The following GLRA2 variants were observed in gnomAD, a reference collection of about 807,000 sequenced individuals.
GLRA2 encodes glycine receptor subunit alpha-2.
A neutral mutation model predicts 31.6 loss-of-function variants in GLRA2; 11 were observed. That is an observed-to-expected ratio of 0.35 (90% CI 0.22 to 0.58). The LOEUF (loss-of-function observed/expected upper bound fraction) is 0.58. Ranked by LOEUF, GLRA2 falls within the 20% of genes least tolerant of loss-of-function variation. The pLI is 0.84. For synonymous variants in GLRA2, 132 were observed against 134.0 expected (o/e 0.99, Z 0.10); for missense variants, 212 against 351.8 (o/e 0.60, Z 3.18).
chrX:14,585,556 G>A (rs1024121495), intron 4 of GLRA2, among the ~76,000 whole-genome samples: 3 of 111,218 alleles, frequency 2.7e-5, no homozygotes, highest in Non-Finnish European at 5.7e-5. Context: ...AGGCCAAGGG[G>A]GGTACAGTTG....
At chrX:14,688,752 G>A (rs1291467967) in intron 7 of GLRA2, among the ~76,000 whole-genome samples, 4 of 110,086 alleles carry the variant, frequency 3.6e-5, no homozygotes, top group African/African-American at 1.3e-4. Flanking sequence ...CGCTTCCCGG[G>A]TGAGGCAATG....
At chrX:14,538,547 A>G (rs1022053008) in intron 2 of GLRA2, among the ~76,000 whole-genome samples, 1 of 111,173 alleles carries the variant, frequency 9.0e-6, no homozygotes, top group Non-Finnish European at 1.9e-5. Context: ...ATATTAGTTC[A>G]GTGGGGAAAT....
chrX:14,572,397 C>T (rs2089896336), intron 2 of GLRA2, among the ~76,000 whole-genome samples: 2 of 111,896 alleles, frequency 1.8e-5, no homozygotes, highest in Non-Finnish European at 3.8e-5. Flanking sequence ...ACTGGATGAT[C>T]TCGAAGGAAA....
intron 6 of GLRA2, among the ~76,000 whole-genome samples, chrX:14,608,486 T>A (rs1040833763): frequency 9.0e-6 from 1 of 111,492 alleles, no homozygotes; most frequent in Non-Finnish European, 1.9e-5. Context: ...TACTTTGTAG[T>A]TTTATGTAAA....
At chrX:14,614,814 C>A (rs1229158979) in intron 7 of GLRA2, among the ~76,000 whole-genome samples, 2 of 112,117 alleles carry the variant, frequency 1.8e-5, no homozygotes, top group African/African-American at 3.2e-5. Context: ...AGATACCAGT[C>A]TCTTTTCTTA....
Position 14,681,095 on chromosome X carries a change from T to C in GLRA2, c.931-9615T>C, listed in dbSNP as rs142023488. 3.4e-3 allele frequency among the ~76,000 whole-genome samples: 378 copies of C among 112,544 alleles called. 1 individual carries two copies. Among genetic ancestry groups the C allele is most frequent in the Non-Finnish European group, 5.6e-3 (301 of 53,307 alleles). On this transcript the variant is annotated intron_variant, in intron 7 of 8. Transcript: ENST00000218075. ...TATACTTTAAGTTCTAGGTTAAAGG[T>C]GCACAACGTGCGGGTTTGTTACATA...
intron 8 of GLRA2, among the ~76,000 whole-genome samples, chrX:14,691,557 G>T (rs898671791): frequency 2.7e-5 from 3 of 111,146 alleles, no homozygotes; most frequent in African/African-American, 9.8e-5. Context: ...TCCCAAACTT[G>T]CCTGCACATT....
chrX:14,512,044 T>G, the GLRA2 span, among the ~76,000 whole-genome samples: 1 of 111,779 alleles, frequency 8.9e-6, no homozygotes, highest in Non-Finnish European at 1.9e-5. Context: ...GATATACATG[T>G]TTTTTGAAAA....
At chrX:14,675,555 A>C (rs1439633762) in intron 7 of GLRA2, among the ~76,000 whole-genome samples, 1 of 111,568 alleles carries the variant, frequency 9.0e-6, no homozygotes, top group Non-Finnish European at 1.9e-5. Flanking sequence ...TTTAATAAGT[A>C]ACTCTTTACT....
chrX:14,708,648 G>C (rs1231705808), intron 8 of GLRA2, among the ~76,000 whole-genome samples: 4 of 111,754 alleles, frequency 3.6e-5, no homozygotes, highest in Non-Finnish European at 1.9e-5. Context: ...AGAAAAGAGA[G>C]ACATCAGGCC....
chrX:14,612,334 G>C (rs1319898183), intron 7 of GLRA2, among the ~76,000 whole-genome samples: 1 of 111,855 alleles, frequency 8.9e-6, no homozygotes, highest in Non-Finnish European at 1.9e-5. Context: ...ACAGATGCTA[G>C]AGAGGTTGTG....
the GLRA2 span, among the ~76,000 whole-genome samples, chrX:14,489,053 A>G: frequency 8.9e-6 from 1 of 112,229 alleles, no homozygotes; most frequent in African/African-American, 3.2e-5. Context: ...TTGGCTGCAT[A>G]CTGAATAAAA....
chrX:14,617,301 G>GT (rs1472466611), intron 7 of GLRA2, among the ~76,000 whole-genome samples: 1 of 111,756 alleles, frequency 8.9e-6, no homozygotes, highest in Non-Finnish European at 1.9e-5. Context: ...ACAGTGTCAG[G>GT]CACTATGTTA....
At chrX:14,495,688 A>G in the GLRA2 span, among the ~76,000 whole-genome samples, 2 of 109,450 alleles carry the variant, frequency 1.8e-5, no homozygotes, top group South Asian at 7.8e-4. Flanking sequence ...ATATATGAAA[A>G]TATTACATAT....
chrX:14,685,008 G>A (rs1279722241), intron 7 of GLRA2, among the ~76,000 whole-genome samples: 13 of 111,431 alleles, frequency 1.2e-4, no homozygotes, highest in Non-Finnish European at 1.9e-4. Context: ...CTAATTTATT[G>A]AGAGTTTTTA....
At chrX:14,502,604 A>G in the GLRA2 span, among the ~76,000 whole-genome samples, 5 of 111,432 alleles carry the variant, frequency 4.5e-5, no homozygotes, top group East Asian at 1.1e-3. Flanking sequence ...TTAGGTTCCT[A>G]TAAGCCTCTA....
chrX:14,688,207 C>G (rs2091301371), intron 7 of GLRA2, among the ~76,000 whole-genome samples: 1 of 111,167 alleles, frequency 9.0e-6, no homozygotes, highest in Non-Finnish European at 1.9e-5. Context: ...GTCAATCTAC[C>G]CCTACTCAGG....
intron 7 of GLRA2, among the ~76,000 whole-genome samples, chrX:14,662,017 CAAAT>C (rs1427811456): frequency 9.1e-6 from 1 of 109,699 alleles, no homozygotes; most frequent in Non-Finnish European, 1.9e-5. Flanking sequence ...CAACTCTGCC[CAAAT>C]AAATATACTA....
Position 14,677,902 on chromosome X carries a change from C to G in GLRA2, c.931-12808C>G, listed in dbSNP as rs902617768. On this transcript the variant is annotated intron_variant, in intron 7 of 8. Coordinates refer to ENST00000218075, the MANE Select transcript of GLRA2 (RefSeq NM_002063.4). ...TTGTTTTTGTTTTTGCTTTCTCTCT[C>G]TCAGGGTTTTCCAACCTCAGAATTA... is the stretch of plus-strand genomic sequence containing the variant. Among the ~76,000 whole-genome samples, 6 of 112,149 alleles carry G rather than the reference C, an allele frequency of 5.4e-5. 1 individual carries two copies. Among genetic ancestry groups the G allele is most frequent in the Non-Finnish European group, 1.1e-4 (6 of 53,209 alleles).
Sources: allele counts gnomAD v4.1 joint callset (sites outside exome capture counted in the v4.1 genomes callset), GRCh38; gene constraint gnomAD v4.1.1; transcripts MANE v1.5; gene names NCBI Gene and HGNC (gene_info 2026-07-23, HGNC 2026-07-21).